The following MAP7D2 variants were observed in gnomAD, a reference collection of about 807,000 sequenced individuals.
The protein encoded by MAP7D2 is MAP7 domain containing 2, also known as MAP7 domain-containing protein 2.
Under a neutral mutation model 63.5 loss-of-function variants are expected in MAP7D2, and 33 were observed. The ratio of observed to expected loss-of-function variants is 0.52; its 90% CI spans 0.39 to 0.70. The LOEUF (loss-of-function observed/expected upper bound fraction) is 0.70, where lower values mean the gene tolerates loss of function less well. Among genes scored for constraint, MAP7D2 ranks in the 30% least tolerant of loss-of-function variants. The pLI, the probability that MAP7D2 is intolerant of heterozygous loss-of-function variation, is 0.00. For missense variants in MAP7D2, 626 were observed against 604.0 expected (o/e 1.04, Z -0.38); for synonymous variants, 224 against 223.7 (o/e 1.00, Z -0.01).
At chrX:20,096,429 C>CAAA (rs775218484) in intron 1 of MAP7D2, among the ~76,000 whole-genome samples, 3 of 40,108 alleles carry the variant, frequency 7.5e-5, no homozygotes, top group East Asian at 1.1e-3. Flanking sequence ...GACCTTGTCT[C>CAAA]AAAAAAAAAA....
intron 1 of MAP7D2, among the ~76,000 whole-genome samples, chrX:20,077,444 CTCTG>C: frequency 9.0e-6 from 1 of 111,581 alleles, no homozygotes; most frequent in Non-Finnish European, 1.9e-5. Context: ...CAGAATAAGA[CTCTG>C]TCTAAAAAAA....
chrX:20,102,598 T>A (rs1317746074), intron 1 of MAP7D2, among the ~76,000 whole-genome samples: 1 of 110,655 alleles, frequency 9.0e-6, no homozygotes, highest in African/African-American at 3.3e-5. Context: ...AGCAAGAGAA[T>A]GACATGAAGG....
At chrX:20,048,934 CATATATATACATATATGTATACGT>C (rs780856541) in intron 6 of MAP7D2, among the ~76,000 whole-genome samples, 322 of 108,246 alleles carry the variant, frequency 3.0e-3, no homozygotes, top group South Asian at 7.1e-3. Flanking sequence ...AATACATATA[CATATATATACATATATGTATACGT>C]ATATGTATAC....
At chrX:20,098,231 G>A (rs2066325035) in intron 1 of MAP7D2, among the ~76,000 whole-genome samples, 1 of 111,582 alleles carries the variant, frequency 9.0e-6, no homozygotes, top group South Asian at 3.8e-4. Flanking sequence ...TTTCAGATAT[G>A]TTCCCATTTC....
intron 3 of MAP7D2, among the ~76,000 whole-genome samples, chrX:20,058,369 C>G (rs1484787646): frequency 8.9e-6 from 1 of 112,380 alleles, no homozygotes; most frequent in East Asian, 2.8e-4. Context: ...AACCTTTCAT[C>G]CTAGAGTGAA....
At chrX:20,052,315 C>A in intron 5 of MAP7D2, 2 of 200,474 alleles carry the variant, frequency 1.0e-5, no homozygotes, top group Non-Finnish European at 9.6e-6. Flanking sequence ...AACTGGCACA[C>A]GTCCCATACA....
intron 8 of MAP7D2, among the ~76,000 whole-genome samples, chrX:20,028,520 T>C (rs764359408): frequency 8.9e-6 from 1 of 112,403 alleles, no homozygotes; most frequent in South Asian, 3.7e-4. Flanking sequence ...TCCAATGAGT[T>C]ACACAATGTG....
At chrX:20,090,368 A>T (rs2066036815) in intron 1 of MAP7D2, among the ~76,000 whole-genome samples, 1 of 100,805 alleles carries the variant, frequency 9.9e-6, no homozygotes, top group Admixed American at 1.0e-4. Context: ...TGTCTCAAAA[A>T]AAAAAAAAAA....
At chrX:20,041,108 G>A in intron 8 of MAP7D2, among the ~76,000 whole-genome samples, 1 of 111,829 alleles carries the variant, frequency 8.9e-6, no homozygotes. Context: ...GCAAGACAGA[G>A]AGAGGGTGGA....
At chrX:20,042,938 AT>A (rs1326474456) in intron 7 of MAP7D2, among the ~76,000 whole-genome samples, 1 of 112,160 alleles carries the variant, frequency 8.9e-6, no homozygotes, top group African/African-American at 3.2e-5. Context: ...AAAATGTAAA[AT>A]CACTACAAAA....
intron 1 of MAP7D2, among the ~76,000 whole-genome samples, chrX:20,094,935 T>A (rs752610063): frequency 1.8e-5 from 2 of 108,954 alleles, no homozygotes; most frequent in East Asian, 5.9e-4. Context: ...ATTCTCCCTC[T>A]CCCTTTAGTC....
intron 10 of MAP7D2, among the ~76,000 whole-genome samples, chrX:20,024,427 C>T (rs377366497): frequency 1.7e-3 from 189 of 111,984 alleles, no homozygotes; most frequent in African/African-American, 5.7e-3. Context: ...ACTCCCCATA[C>T]CTCACTGTTC....
chrX:20,018,441 T>C (rs1249452320), intron 10 of MAP7D2, among the ~76,000 whole-genome samples: 1 of 49,125 alleles, frequency 2.0e-5, no homozygotes, highest in African/African-American at 2.4e-4. Context: ...AATCTTGTCC[T>C]TTTTTTTTTT....
rs1399912824 is a variant in MAP7D2 at position 20,063,473 on chromosome X, C to CCCGCTG, written c.307_312dup (p.Gln103_Arg104dup). The CCCGCTG allele has an allele frequency of 3.3e-6, 4 of 1,211,962 alleles. No homozygotes were observed. The highest frequency in any genetic ancestry group is 4.5e-6 in the Non-Finnish European group (4 of 895,539). ...TCCACAGCAGCTCTCTTTTGGTCCT[C>CCCGCTG]CCGCTGCCGCTGCTCTTCCAGTTTT... On this transcript the variant is annotated inframe_insertion, in exon 3 of 17. Coordinates refer to ENST00000379643, the MANE Select transcript of MAP7D2 (RefSeq NM_001168465.2).
intron 16 of MAP7D2, among the ~76,000 whole-genome samples, chrX:20,009,749 T>C (rs1204638513): frequency 9.4e-6 from 1 of 106,541 alleles, no homozygotes; most frequent in African/African-American, 3.5e-5. Context: ...TCCCAGTAAG[T>C]ACTTGGGAGG....
chrX:20,029,250 G>T (rs114379351), intron 8 of MAP7D2, among the ~76,000 whole-genome samples: 2,744 of 112,307 alleles, frequency 0.024, 95 homozygotes, highest in African/African-American at 0.085. Context: ...GGGCTGGACT[G>T]GGGGGAGTGG....
chrX:20,070,022 C>G (rs2065460928), intron 1 of MAP7D2, among the ~76,000 whole-genome samples: 2 of 111,268 alleles, frequency 1.8e-5, no homozygotes, highest in Non-Finnish European at 3.8e-5. Context: ...GATCTTGGCT[C>G]ACTGCAACCT....
At chrX:20,080,959 T>C (rs1462380578) in intron 1 of MAP7D2, among the ~76,000 whole-genome samples, 1 of 111,761 alleles carries the variant, frequency 8.9e-6, no homozygotes, top group African/African-American at 3.3e-5. Flanking sequence ...GGTTGCTCAA[T>C]GAGGGTTGTG....
At chrX:20,046,472 T>C (rs2064801651) in intron 6 of MAP7D2, among the ~76,000 whole-genome samples, 1 of 112,925 alleles carries the variant, frequency 8.9e-6, no homozygotes, top group African/African-American at 3.2e-5. Context: ...GTGTCACTGC[T>C]GTTGATGCTT....
Sources: allele counts gnomAD v4.1 joint callset (sites outside exome capture counted in the v4.1 genomes callset), GRCh38; gene constraint gnomAD v4.1.1; transcripts MANE v1.5; gene names NCBI Gene and HGNC (gene_info 2026-07-23, HGNC 2026-07-21).